The following JADE2 variants were observed in gnomAD, a reference collection of about 807,000 sequenced individuals.
JADE2 encodes the protein E3 ubiquitin-protein ligase Jade-2.
In JADE2, 13 loss-of-function variants were observed where a neutral mutation model predicts 85.7. The ratio of observed to expected loss-of-function variants is 0.15; its 90% CI spans 0.10 to 0.24. The LOEUF (loss-of-function observed/expected upper bound fraction) is 0.24. Ranked by LOEUF, JADE2 falls within the 10% of genes least tolerant of loss-of-function variation. The pLI is 1.00. For missense variants in JADE2, 846 were observed against 1,115.9 expected, an observed-to-expected ratio of 0.76 and a Z score of 3.45; for synonymous variants, 440 against 456.1, an observed-to-expected ratio of 0.96 and a Z score of 0.45.
At chr5:134,571,566 A>G (rs540482645) in intron 9 of JADE2, among the ~76,000 whole-genome samples, 15 of 152,286 alleles carry the variant, frequency 9.8e-5, no homozygotes, top group East Asian at 3.9e-4. Context: ...GTGTGGTGGC[A>G]GGCACCTGTA....
chr5:134,575,209 T>C (rs1764278737), intron 10 of JADE2: 1 of 152,278 alleles, frequency 6.6e-6, no homozygotes, highest in South Asian at 2.1e-4. Context: ...ATGACTGGTT[T>C]GCCCTGTCCA....
rs6859169 is a variant in JADE2, at chr5:134,562,874, G to C, written c.852+507G>C. Among the ~76,000 whole-genome samples, 7,710 of 152,262 alleles carry C rather than the reference G, an allele frequency of 0.051. 414 individuals are homozygous for C. Among genetic ancestry groups the C allele is most frequent in the South Asian group, 0.24 (1,166 of 4,826 alleles). The stretch of plus-strand genomic sequence containing the variant: ...TTGTGGACTTGGACAGAGCTCAGGT[G>C]GTGACTTCTATGAGAAAATGGGGTT... On this transcript the variant is annotated intron_variant, in intron 7 of 11. Transcript: ENST00000681547. This position sits in a 1 kb window ranked among gnomAD's most constrained non-coding sequence, Gnocchi z 4.6.
rs1330503241 is a variant in JADE2 at position 134,581,165 on chromosome 5, G to A, written c.*1848G>A. 11 of 152,558 alleles carry A rather than the reference G, an allele frequency of 7.2e-5. No individual in the cohort carries two copies. Among genetic ancestry groups the A allele is most frequent in the African/African-American group, 2.7e-4 (11 of 41,444 alleles). 9.5% of individuals were successfully genotyped at this position (152,558 alleles called of 1,614,324 possible). Reference sequence around the variant, plus strand: ...ACTCAGTTCAGAGGATCGGACAAATGTGTCTAGTCCGGGTGGACTCGGAGG... The same window carrying A: ...ACTCAGTTCAGAGGATCGGACAAATATGTCTAGTCCGGGTGGACTCGGAGG... On this transcript the variant is annotated 3_prime_UTR_variant, in exon 12 of 12. Transcript: ENST00000681547.
In JADE2 at chr5:134,578,686, G is replaced by C. The variant is rs746421512; in HGVS notation, c.1874G>C (p.Arg625Pro). Reference sequence around the variant, plus strand: ...GAGGAGACACTGCTCAGCTTCATGCGGGACCCCTCGCTGCGACCTGGTGAC... The same window carrying C: ...GAGGAGACACTGCTCAGCTTCATGCCGGACCCCTCGCTGCGACCTGGTGAC... ...QDEETLLSFM[R>P]DPSLRPGDPA... The change falls in exon 12 of 12, where the codon CGG becomes CCG. Residue 625 changes from arginine to proline, a missense_variant. Physicochemically the swap from Arg to Pro is moderately radical, Grantham distance 103. Around this residue, in one of 9 missense-constraint regions of JADE2, gnomAD observed 300 missense variants for 300.7 expected, o/e 1.00. Transcript: ENST00000681547. The surrounding 1 kb of genome is among the most constrained non-coding windows in gnomAD (Gnocchi z 4.4). 6.2e-7 allele frequency: 1 copy of C among 1,613,894 alleles called. No homozygotes were observed.
chr5:134,552,000 A>C (rs1762620717), intron 3 of JADE2, 52 bp from the exon 4 acceptor site: 1 of 1,593,456 alleles, frequency 6.3e-7, no homozygotes, highest in South Asian at 1.1e-5. Flanking sequence ...CCTGTGGGGC[A>C]GACTGCCCTG....
chr5:134,564,426 C>T (rs1256170367), intron 7 of JADE2, 68 bp from the exon 8 acceptor site: 8 of 1,075,066 alleles, frequency 7.4e-6, no homozygotes, highest in Admixed American at 2.8e-5. Flanking sequence ...GACAAACCCC[C>T]ATTTTGGAGA....
At chr5:134,565,259 G>A (rs772073621) in intron 8 of JADE2, among the ~76,000 whole-genome samples, 25 of 152,180 alleles carry the variant, frequency 1.6e-4, no homozygotes, top group African/African-American at 2.4e-4. Context: ...CATTGTAAAC[G>A]TTAGTTGTGC....
At chr5:134,570,142 C>T (rs1350120470) in intron 9 of JADE2, among the ~76,000 whole-genome samples, 1 of 152,190 alleles carries the variant, frequency 6.6e-6, no homozygotes, top group Non-Finnish European at 1.5e-5. Context: ...GCCACTCCCT[C>T]CACCAGGAGA....
At chr5:134,574,763 A>C (rs1764257225) in intron 10 of JADE2, 1 of 151,912 alleles carries the variant, frequency 6.6e-6, no homozygotes, top group South Asian at 2.1e-4. Context: ...GGAGCTTTCC[A>C]GGCCCCCTAT....
At chr5:134,524,620 G>A (rs1273291904), upstream of JADE2, among the ~76,000 whole-genome samples, 2 of 152,092 alleles carry the variant, frequency 1.3e-5, no homozygotes, top group Admixed American at 1.3e-4. Context: ...GGGCCAGGAT[G>A]TGCAACCACC....
chr5:134,526,293 T>C, intron 1 of JADE2: 1 of 985,200 alleles, frequency 1.0e-6, no homozygotes, highest in Non-Finnish European at 1.2e-6. Flanking sequence ...AAGGGTGAGC[T>C]TGGCGACCTT....
At chr5:134,556,548 T>A (rs201354588) in intron 4 of JADE2, among the ~76,000 whole-genome samples, 1 of 38,028 alleles carries the variant, frequency 2.6e-5, no homozygotes. Flanking sequence ...CACACACACC[T>A]CACACATCAC....
intron 5 of JADE2, 25 bp downstream of exon 5, chr5:134,560,015 G>T: frequency 6.2e-7 from 1 of 1,613,410 alleles, no homozygotes; most frequent in Non-Finnish European, 8.5e-7. Flanking sequence ...CATTAAGAAT[G>T]GGATCACGGC....
At chr5:134,563,632 A>G (rs939449817) in intron 7 of JADE2, among the ~76,000 whole-genome samples, 2 of 152,246 alleles carry the variant, frequency 1.3e-5, no homozygotes, top group Non-Finnish European at 2.9e-5. Flanking sequence ...GGCCCTGTCC[A>G]TAAGTGGCAC....
intron 3 of JADE2, among the ~76,000 whole-genome samples, chr5:134,542,128 G>T (rs536437038): frequency 7.9e-5 from 12 of 152,372 alleles, no homozygotes; most frequent in African/African-American, 2.9e-4. Flanking sequence ...AGAAGGAAAA[G>T]GTGGAGCTGC....
chr5:134,564,286 T>C (rs1763502945), intron 7 of JADE2: 1 of 491,552 alleles, frequency 2.0e-6, no homozygotes, highest in South Asian at 2.6e-5. Context: ...ACTAACACAC[T>C]CATCCAGTGG....
At chr5:134,533,853 C>T (rs571838199) in intron 1 of JADE2, among the ~76,000 whole-genome samples, 1 of 150,414 alleles carries the variant, frequency 6.6e-6, no homozygotes, top group Admixed American at 6.6e-5. Context: ...CTCAAGCTAT[C>T]CTCTCACCTC....
intron 3 of JADE2, among the ~76,000 whole-genome samples, chr5:134,551,244 C>G (rs760702247): frequency 8.6e-5 from 13 of 151,694 alleles, no homozygotes; most frequent in Non-Finnish European, 1.5e-4. Context: ...TTGTTTTGAT[C>G]TTTTGAGACA....
At chr5:134,552,419 T>C (rs1762647274) in intron 4 of JADE2, among the ~76,000 whole-genome samples, 1 of 152,238 alleles carries the variant, frequency 6.6e-6, no homozygotes, top group African/African-American at 2.4e-5. Flanking sequence ...GGCTTGGCTA[T>C]AGAGCCAGAA....
Sources: gnomAD v4.1 joint callset for allele counts (sites outside exome capture counted in the v4.1 genomes callset) on GRCh38, gnomAD v4.1.1 for gene constraint, gnomAD v4.1.1 regional missense constraint, Gnocchi (gnomAD v3.1) non-coding constraint, MANE v1.5 for transcripts, NCBI Gene and HGNC (gene_info 2026-07-23, HGNC 2026-07-21) for gene names.